The following MAP3K19 variants were observed in gnomAD, a reference collection of about 807,000 sequenced individuals.
MAP3K19 encodes SPS1/STE20-related protein kinase YSK4.
Under a neutral mutation model 114.4 loss-of-function variants are expected in MAP3K19, and 91 were observed. The observed-to-expected ratio is 0.80, with a 90% CI of 0.67 to 0.95. MAP3K19 has a LOEUF of 0.95. MAP3K19 is among the 40% of genes least tolerant of loss of function. The pLI, the probability that MAP3K19 is intolerant of heterozygous loss-of-function variation, is 0.00. For synonymous variants in MAP3K19, 518 were observed against 530.5 expected (o/e 0.98, Z 0.32); for missense variants, 1,471 against 1,573.2 (o/e 0.94, Z 1.10).
rs766757166 is a variant in MAP3K19 at position 134,983,681 on chromosome 2, C to T, written c.3217G>A (p.Gly1073Ser). The stretch of plus-strand genomic sequence containing the variant: ...AAGTTTCCAGTTTAACTTACTGTGC[C>T]GTAGGCTCCCTTTCCAAGAATCTCA... ...KGEILGKGAY[G>S]TVYCGLTSQG... The change falls in exon 11 of 13, where the codon GGC becomes AGC. Residue 1073 changes from glycine (G) to serine (S), a missense_variant. Gly to Ser is a moderately conservative substitution (Grantham distance 56). Transcript: ENST00000392915. 27 of 1,562,266 alleles carry T rather than the reference C, an allele frequency of 1.7e-5. No individual in the cohort carries two copies. Among genetic ancestry groups the T allele is most frequent in the East Asian group, 1.4e-4 (6 of 44,086 alleles).
At position 134,981,230 on chromosome 2, in the gene MAP3K19, G is replaced by C. The variant is rs1684631355; in HGVS notation, c.3511C>G (p.Leu1171Val). 13 of 1,614,172 alleles carry C rather than the reference G, an allele frequency of 8.1e-6. No homozygotes were observed. Among genetic ancestry groups the C allele is most frequent in the Non-Finnish European group, 9.3e-6 (11 of 1,180,046 alleles). The stretch of plus-strand genomic sequence containing the variant: ...TCATGGAGATAAGCAACACCTTGAA[G>C]TATTTGTTTCGTATATTTACAGAAC... ...MVFCKYTKQI[L>V]QGVAYLHENC... Residue 1171 changes from leucine to valine, a missense_variant, in exon 12 of 13, where the codon CTT (leucine) becomes GTT (valine). Transcript: ENST00000392915.
At chr2:134,983,060 G>T in intron 11 of MAP3K19, 1 of 377,424 alleles carries the variant, frequency 2.6e-6, no homozygotes, top group Non-Finnish European at 5.3e-6. Context: ...TGTGTTGGGG[G>T]CATTTCAATC....
At chr2:134,980,627 C>T in intron 12 of MAP3K19, 194 bp downstream of exon 12, 1 of 577,202 alleles carries the variant, frequency 1.7e-6, no homozygotes, top group African/African-American at 1.9e-5. Flanking sequence ...GAAGCATTGC[C>T]TCCTATACCC....
intron 12 of MAP3K19, among the ~76,000 whole-genome samples, chr2:134,970,605 T>C (rs1244908136): frequency 6.7e-6 from 1 of 149,978 alleles, no homozygotes; most frequent in African/African-American, 2.4e-5. Flanking sequence ...CTTTTTTTTT[T>C]TTTTTTTTTT....
intron 6 of MAP3K19, among the ~76,000 whole-genome samples, chr2:135,001,245 A>C: frequency 6.6e-6 from 1 of 152,200 alleles, no homozygotes; most frequent in Non-Finnish European, 1.5e-5. Flanking sequence ...ATAAAAATGT[A>C]GCTAGCTTTG....
intron 12 of MAP3K19, among the ~76,000 whole-genome samples, chr2:134,975,929 A>G (rs1184035477): frequency 6.6e-6 from 1 of 152,198 alleles, no homozygotes; most frequent in East Asian, 1.9e-4. Context: ...TATCTGTAAT[A>G]GCCACCTCAG....
At chr2:134,984,916 C>T (rs562762160) in intron 10 of MAP3K19, among the ~76,000 whole-genome samples, 8 of 152,286 alleles carry the variant, frequency 5.3e-5, no homozygotes, top group South Asian at 4.1e-4. Flanking sequence ...CGCAGCACTG[C>T]GCTCCAGCCT....
chr2:134,983,069 TCTTCTA>T, intron 11 of MAP3K19: 1 of 390,810 alleles, frequency 2.6e-6, no homozygotes, highest in Non-Finnish European at 5.1e-6. Context: ...GGCATTTCAA[TCTTCTA>T]GCTAATTGGA....
chr2:135,034,519 T>C (rs1688480420), intron 2 of MAP3K19, among the ~76,000 whole-genome samples: 2 of 129,502 alleles, frequency 1.5e-5, no homozygotes, highest in South Asian at 2.9e-4. Context: ...CTGGGCACCA[T>C]TGAGCACTGA....
chr2:135,006,824 A>AAG (rs1686848709), intron 5 of MAP3K19, among the ~76,000 whole-genome samples: 1 of 149,808 alleles, frequency 6.7e-6, no homozygotes, highest in African/African-American at 2.5e-5. Flanking sequence ...AAGAAAAGAA[A>AAG]AGAGAGAGAG....
chr2:135,030,078 T>C (rs1013910372), intron 3 of MAP3K19, among the ~76,000 whole-genome samples: 3 of 152,202 alleles, frequency 2.0e-5, no homozygotes, highest in African/African-American at 7.2e-5. Flanking sequence ...GTTGTGTGAC[T>C]TCTAGCACCC....
chr2:135,004,855 G>A (rs1193934517), intron 6 of MAP3K19, among the ~76,000 whole-genome samples: 3 of 152,152 alleles, frequency 2.0e-5, no homozygotes, highest in Admixed American at 6.5e-5. Flanking sequence ...CAGGGACAAC[G>A]GCTCATGGAG....
At chr2:135,029,864 C>A (rs1688340365) in intron 3 of MAP3K19, among the ~76,000 whole-genome samples, 1 of 152,216 alleles carries the variant, frequency 6.6e-6, no homozygotes, top group Non-Finnish European at 1.5e-5. Flanking sequence ...AAAATGTATC[C>A]TCTGAACTCT....
chr2:134,981,466 G>A lies in MAP3K19; in HGVS notation c.3275C>T (p.Ala1092Val). 6.2e-7 allele frequency: 1 copy of A among 1,614,158 alleles called. No individual in the cohort carries two copies. Among genetic ancestry groups the A allele is most frequent in the Admixed American group, 1.7e-5 (1 of 60,016 alleles). ...AGCTAATTTATTAGAGGTATCCAAAGCCACCTGTTTTACAGCTATTAGCTG... is the reference window on the plus strand; with the variant it reads ...AGCTAATTTATTAGAGGTATCCAAAACCACCTGTTTTACAGCTATTAGCTG... ...QGQLIAVKQV[A>V]LDTSNKLAAE... The change falls in exon 12 of 13, where the codon GCT becomes GTT. Residue 1092 changes from alanine (A) to valine (V), a missense_variant. By Grantham distance (64) the Ala-to-Val change is moderately conservative. Coordinates refer to ENST00000392915, the MANE Select transcript of MAP3K19 (RefSeq NM_025052.5).
At chr2:134,970,089 G>T (rs1683763006) in intron 12 of MAP3K19, among the ~76,000 whole-genome samples, 1 of 152,086 alleles carries the variant, frequency 6.6e-6, no homozygotes, top group South Asian at 2.1e-4. Context: ...TGTTCTTTTT[G>T]TTTAGTATTG....
In MAP3K19 at chr2:135,018,470, A is replaced by G. The variant is rs986880963; in HGVS notation, c.138+3245T>C. ...TCCTGCCTCAGCCTCCTGAGTAGCT[A>G]GGACTACAGGTATACACCACCATGC... On this transcript the variant is annotated intron_variant, in intron 5 of 12. Coordinates refer to ENST00000392915, the MANE Select transcript of MAP3K19 (RefSeq NM_025052.5). 6.6e-5 allele frequency among the ~76,000 whole-genome samples: 10 copies of G among 151,908 alleles called. 1 individual carries two copies. Among genetic ancestry groups the G allele is most frequent in the East Asian group, 1.9e-4 (1 of 5,172 alleles).
intron 12 of MAP3K19, among the ~76,000 whole-genome samples, chr2:134,975,532 G>T (rs1260950625): frequency 6.6e-6 from 1 of 152,160 alleles, no homozygotes; most frequent in African/African-American, 2.4e-5. Context: ...GCAGGGTGGG[G>T]TGATCCCCAG....
chr2:134,973,950 T>C (rs1169030832), intron 12 of MAP3K19, among the ~76,000 whole-genome samples: 13 of 152,220 alleles, frequency 8.5e-5, no homozygotes, highest in Non-Finnish European at 2.9e-5. Flanking sequence ...GAGTATAGCA[T>C]TCTTGGCTGA....
intron 6 of MAP3K19, 38 bp from the exon 7 acceptor site, chr2:135,000,053 A>G (rs1686327582): frequency 7.4e-7 from 1 of 1,351,720 alleles, no homozygotes; most frequent in African/African-American, 1.4e-5. Context: ...GGAAGAAAGT[A>G]ATGAATTCCA....
Sources: allele counts gnomAD v4.1 joint callset (sites outside exome capture counted in the v4.1 genomes callset), GRCh38; gene constraint gnomAD v4.1.1; transcripts MANE v1.5; gene names NCBI Gene and HGNC (gene_info 2026-07-23, HGNC 2026-07-21).